C1QTNF3: variants seen among roughly 807,000 people sequenced by gnomAD.
C1QTNF3 encodes the protein complement C1q tumor necrosis factor-related protein 3.
Under a neutral mutation model 32.6 loss-of-function variants are expected in C1QTNF3, and 26 were observed. The ratio of observed to expected loss-of-function variants is 0.80; its 90% CI spans 0.58 to 1.11. C1QTNF3 has a LOEUF of 1.11. Ranked by LOEUF, C1QTNF3 falls within the 50% of genes least tolerant of loss-of-function variation. The pLI, the probability that C1QTNF3 is intolerant of heterozygous loss-of-function variation, is 0.00. For synonymous variants in C1QTNF3, 155 were observed against 146.0 expected (o/e 1.06, Z -0.44); for missense variants, 362 against 398.2 (o/e 0.91, Z 0.77).
the C1QTNF3 span, among the ~76,000 whole-genome samples, chr5:34,176,201 A>G: frequency 1.4e-5 from 2 of 145,592 alleles, no homozygotes; most frequent in Non-Finnish European, 1.5e-5. Flanking sequence ...GGAATTGAAC[A>G]ATGAGATCAC....
At chr5:34,191,667 T>C in the C1QTNF3 span, 1 of 710,606 alleles carries the variant, frequency 1.4e-6, no homozygotes, top group East Asian at 2.7e-5. Context: ...CGCGTGGGCC[T>C]CCCGTTTCTA....
At chr5:34,241,959 A>G in the C1QTNF3 span, among the ~76,000 whole-genome samples, 47 of 111,434 alleles carry the variant, frequency 4.2e-4, no homozygotes, top group East Asian at 6.6e-4. Context: ...GAGGGAAGGA[A>G]GGAAGGAAGG....
At chr5:34,116,482 T>G in the C1QTNF3 span, among the ~76,000 whole-genome samples, 1 of 144,916 alleles carries the variant, frequency 6.9e-6, no homozygotes, top group African/African-American at 2.6e-5. Context: ...TCAATATTTA[T>G]CTAAAGTATC....
chr5:34,115,787 A>G, the C1QTNF3 span, among the ~76,000 whole-genome samples: 1 of 151,442 alleles, frequency 6.6e-6, no homozygotes, highest in Non-Finnish European at 1.5e-5. Flanking sequence ...GGCCTTTTTC[A>G]CACCCTATAA....
At position 34,043,179 on chromosome 5, in the gene C1QTNF3, C is replaced by T. The variant is rs1391822082; in HGVS notation, c.-54G>A. Reference sequence around the variant, plus strand: ...TGAGAAGACAGCAGAGCTCCAGGAGCGTGGTCTCCTCGGGCAGATGCCAGG... The same window carrying T: ...TGAGAAGACAGCAGAGCTCCAGGAGTGTGGTCTCCTCGGGCAGATGCCAGG... On this transcript the variant is annotated 5_prime_UTR_variant, in exon 1 of 6. Transcript: ENST00000382065. 7.1e-6 allele frequency: 11 copies of T among 1,554,222 alleles called. No individual in the cohort carries two copies. Among genetic ancestry groups the T allele is most frequent in the South Asian group, 3.6e-5 (3 of 82,756 alleles).
At chr5:34,041,715 C>T (rs1754875507) in intron 1 of C1QTNF3, among the ~76,000 whole-genome samples, 1 of 152,004 alleles carries the variant, frequency 6.6e-6, no homozygotes, top group African/African-American at 2.4e-5. Flanking sequence ...TCTCTGGATG[C>T]ATCCCCCACA....
the C1QTNF3 span, among the ~76,000 whole-genome samples, chr5:34,153,864 A>AC: frequency 1.3e-5 from 2 of 150,018 alleles, no homozygotes; most frequent in African/African-American, 4.9e-5. Flanking sequence ...AAAAAAAAAA[A>AC]AAAAAAAAAA....
At chr5:34,074,884 A>G in the C1QTNF3 span, among the ~76,000 whole-genome samples, 684 of 151,890 alleles carry the variant, frequency 4.5e-3, 27 homozygotes, top group African/African-American at 0.016. Flanking sequence ...AAATTATACA[A>G]GAAAAAAAGG....
At chr5:34,081,781 A>G in the C1QTNF3 span, among the ~76,000 whole-genome samples, 1 of 151,680 alleles carries the variant, frequency 6.6e-6, no homozygotes, top group Non-Finnish European at 1.5e-5. Context: ...TTTAGTTCCC[A>G]GGATGCTAGC....
chr5:34,231,225 T>C, the C1QTNF3 span, among the ~76,000 whole-genome samples: 1 of 152,224 alleles, frequency 6.6e-6, no homozygotes, highest in Non-Finnish European at 1.5e-5. Context: ...CATAAAATCA[T>C]GTTAGTTCAG....
the C1QTNF3 span, among the ~76,000 whole-genome samples, chr5:34,239,703 C>A: frequency 6.6e-6 from 1 of 152,168 alleles, no homozygotes; most frequent in African/African-American, 2.4e-5. Flanking sequence ...GACTTCAACA[C>A]CCCCGCTGGC....
chr5:34,023,361 C>T (rs1004815832), intron 5 of C1QTNF3, among the ~76,000 whole-genome samples: 2 of 152,200 alleles, frequency 1.3e-5, no homozygotes, highest in Admixed American at 6.5e-5. Flanking sequence ...ATTTCACCTA[C>T]CCTAACTCAT....
At chr5:34,056,870 T>C in the C1QTNF3 span, among the ~76,000 whole-genome samples, 1 of 151,964 alleles carries the variant, frequency 6.6e-6, no homozygotes, top group East Asian at 1.9e-4. Context: ...GAATTGGAAA[T>C]ACAGTGCAGA....
the C1QTNF3 span, among the ~76,000 whole-genome samples, chr5:34,089,103 G>A: frequency 6.6e-6 from 1 of 152,190 alleles, no homozygotes; most frequent in Non-Finnish European, 1.5e-5. Flanking sequence ...AGTGAAGAGA[G>A]AGAAGCTGGG....
the C1QTNF3 span, among the ~76,000 whole-genome samples, chr5:34,233,601 G>A: frequency 3.9e-3 from 595 of 152,108 alleles, 12 homozygotes; most frequent in Admixed American, 0.034. Flanking sequence ...AACTCAAAAG[G>A]ACACTTTTTC....
At chr5:34,166,360 C>T in the C1QTNF3 span, 15 of 151,416 alleles carry the variant, frequency 9.9e-5, no homozygotes, top group East Asian at 1.9e-4. Context: ...TGGGATGTAC[C>T]GAAAAAAGGA....
At chr5:34,086,635 T>C in the C1QTNF3 span, among the ~76,000 whole-genome samples, 1 of 151,036 alleles carries the variant, frequency 6.6e-6, no homozygotes, top group East Asian at 1.9e-4. Context: ...TAACAGAGGA[T>C]AAGTTGGGTT....
the C1QTNF3 span, among the ~76,000 whole-genome samples, chr5:34,117,645 A>G: frequency 6.6e-6 from 1 of 151,910 alleles, no homozygotes; most frequent in South Asian, 2.1e-4. Context: ...AAAATACAAA[A>G]ATTAGCTGGG....
intron 5 of C1QTNF3, among the ~76,000 whole-genome samples, chr5:34,022,756 A>G (rs1449991685): frequency 6.6e-6 from 1 of 152,242 alleles, no homozygotes; most frequent in Non-Finnish European, 1.5e-5. Flanking sequence ...ATATTTCCAC[A>G]AGCTTGCAAC....
Sources: gnomAD v4.1 joint callset for allele counts (sites outside exome capture counted in the v4.1 genomes callset) on GRCh38, gnomAD v4.1.1 for gene constraint, MANE v1.5 for transcripts, NCBI Gene and HGNC (gene_info 2026-07-23, HGNC 2026-07-21) for gene names.